The following GLIS2 variants were observed in gnomAD, a reference collection of about 807,000 sequenced individuals.
The protein encoded by GLIS2 is GLIS family zinc finger 2, also known as zinc finger protein GLIS2.
A neutral mutation model predicts 35.6 loss-of-function variants in GLIS2; 14 were observed. The ratio of observed to expected loss-of-function variants is 0.39; its 90% CI spans 0.26 to 0.61. The LOEUF is 0.61. Ranked by LOEUF, GLIS2 falls within the 20% of genes least tolerant of loss-of-function variation. The probability of loss-of-function intolerance (pLI) is 0.48; values close to 1 mark genes in which losing one functional copy is unlikely to be tolerated. For missense variants in GLIS2, 675 were observed against 713.4 expected (o/e 0.95, Z 0.61); for synonymous variants, 368 against 325.1 (o/e 1.13, Z -1.42).
At chr16:4,316,661 G>A (rs1390824290) in intron 1 of GLIS2, among the ~76,000 whole-genome samples, 1 of 151,932 alleles carries the variant, frequency 6.6e-6, no homozygotes, top group Non-Finnish European at 1.5e-5. Context: ...CCTCCTCTCG[G>A]CCGCGCCGGG....
intron 1 of GLIS2, among the ~76,000 whole-genome samples, chr16:4,317,560 C>T (rs969984258): frequency 2.0e-5 from 3 of 152,168 alleles, no homozygotes. Context: ...GCTGTCCAGG[C>T]CCAGCCCACA....
intron 1 of GLIS2, among the ~76,000 whole-genome samples, chr16:4,328,074 G>A (rs1346136848): frequency 6.6e-6 from 1 of 152,266 alleles, no homozygotes; most frequent in African/African-American, 2.4e-5. Context: ...AGAGGGGCGT[G>A]GGGCCGGCGG....
chr16:4,320,932 G>A lies in GLIS2; in HGVS notation c.-67+4678G>A, dbSNP rs947868913. On this transcript the variant is annotated intron_variant, in intron 1 of 6. Coordinates refer to ENST00000433375, the MANE Select transcript of GLIS2 (RefSeq NM_032575.3). This position sits in a 1 kb window ranked among gnomAD's most constrained non-coding sequence, Gnocchi z 5.6. Reference sequence around the variant, plus strand: ...GGTTCTAGGGCCACTGGGCCCCGAGGGCCTGGAGCCACCAGGCCTGGCAGA... The same window carrying A: ...GGTTCTAGGGCCACTGGGCCCCGAGAGCCTGGAGCCACCAGGCCTGGCAGA... Among the ~76,000 whole-genome samples the A allele has an allele frequency of 6.6e-6, 1 of 152,178 alleles. No homozygotes were observed. Among genetic ancestry groups the A allele is most frequent in the Non-Finnish European group, 1.5e-5 (1 of 68,020 alleles).
intron 1 of GLIS2, among the ~76,000 whole-genome samples, chr16:4,318,557 C>T (rs1008348330): frequency 5.3e-5 from 8 of 152,178 alleles, no homozygotes; most frequent in South Asian, 2.1e-4. Context: ...TTTCTTCCCC[C>T]GCCTGAACTC....
chr16:4,317,878 G>A (rs369487514), intron 1 of GLIS2, among the ~76,000 whole-genome samples: 338 of 152,156 alleles, frequency 2.2e-3, no homozygotes, highest in Middle Eastern at 6.8e-3. Flanking sequence ...CCTCCTTTCC[G>A]GAGCTGCCAT....
In GLIS2 at chr16:4,336,949, C is replaced by G. The variant is rs768415033; in HGVS notation, c.1000C>G (p.Pro334Ala). The G allele has an allele frequency of 3.1e-6, 5 of 1,610,076 alleles. No individual in the cohort carries two copies. In the East Asian group the frequency reaches 8.9e-5, roughly 29 times the overall value. The change falls in exon 7 of 7, where the codon CCC becomes GCC. Residue 334 changes from proline to alanine, a missense_variant. Around this residue, in one of 3 missense-constraint regions of GLIS2, gnomAD observed 317 missense variants for 283.2 expected, o/e 1.12. Transcript: ENST00000433375. Reference sequence around the variant, plus strand: ...GCAAGAGCTCCTGCAGCTGCGCCCACCCCCCAAGCCGCCACTGCCCGCCCC... The same window carrying G: ...GCAAGAGCTCCTGCAGCTGCGCCCAGCCCCCAAGCCGCCACTGCCCGCCCC... ...EQQELLQLRPPPKPPLPAPDG... is the reference protein window; with the variant it reads ...EQQELLQLRPAPKPPLPAPDG...
chr16:4,325,446 T>C (rs1288984050), intron 1 of GLIS2: 1 of 152,310 alleles, frequency 6.6e-6, no homozygotes, highest in Non-Finnish European at 1.5e-5. Context: ...TGGCTTCTGG[T>C]TGTGGGTTTG....
rs1392589135 is a variant in GLIS2 at position 4,335,543 on chromosome 16, T to C, written c.775+150T>C. On this transcript the variant is annotated intron_variant, in intron 6 of 6. Coordinates refer to ENST00000433375, the MANE Select transcript of GLIS2 (RefSeq NM_032575.3). The surrounding 1 kb of genome is among the most constrained non-coding windows in gnomAD (Gnocchi z 4.6). ...CATCGCCCAGGGGTCCCTTTTCCAA[T>C]GCAGTTTGCTAGGGGAAGCATCCCC... 2.8e-6 allele frequency: 2 copies of C among 721,630 alleles called. No individual in the cohort carries two copies. Among genetic ancestry groups the C allele is most frequent in the Non-Finnish European group, 4.6e-6 (2 of 430,776 alleles). 44.7% of individuals were successfully genotyped at this position (721,630 alleles called of 1,614,324 possible). A position where few individuals can be genotyped will look rare whatever the true frequency, so the allele number is the denominator to read the frequency against.
rs574921381 is a variant in GLIS2 at position 4,332,117 on chromosome 16, A to G, written c.-66-98A>G. The G allele has an allele frequency of 1.3e-4, 115 of 915,362 alleles. No individual in the cohort carries two copies. In the African/African-American group the frequency reaches 1.7e-3, roughly 14 times the overall value. The allele number at this position is 915,362 out of a possible 1,614,324, so 56.7% of individuals were successfully genotyped here. A position where few individuals can be genotyped will look rare whatever the true frequency, so the allele number is the denominator to read the frequency against. Reference sequence around the variant, plus strand: ...CTCCCTACCCAGGAGACAACCTCACACTGCCCCCTGCTCCTGCTCCTGTTA... The same window carrying G: ...CTCCCTACCCAGGAGACAACCTCACGCTGCCCCCTGCTCCTGCTCCTGTTA... On this transcript the variant is annotated intron_variant, in intron 1 of 6. Coordinates refer to ENST00000433375, the MANE Select transcript of GLIS2 (RefSeq NM_032575.3). This position sits in a 1 kb window ranked among gnomAD's most constrained non-coding sequence, Gnocchi z 5.4.
In GLIS2 at chr16:4,339,404, T is replaced by C. The variant is rs1226851115; in HGVS notation, c.*1880T>C. Reference sequence around the variant, plus strand: ...TTTTGTGGTTGTCATTGGTGTGTTGTTGCACATTCCAGGACGTCAGTATTT... The same window carrying C: ...TTTTGTGGTTGTCATTGGTGTGTTGCTGCACATTCCAGGACGTCAGTATTT... On this transcript the variant is annotated 3_prime_UTR_variant, in exon 7 of 7. Transcript: ENST00000433375. The C allele has an allele frequency of 6.5e-6, 1 of 152,876 alleles. No individual in the cohort carries two copies. The highest frequency in any genetic ancestry group is 1.5e-5 in the Non-Finnish European group (1 of 68,216). 9.5% of individuals were successfully genotyped at this position (152,876 alleles called of 1,614,324 possible).
chr16:4,322,702 T>C (rs935584451), intron 1 of GLIS2, among the ~76,000 whole-genome samples: 1 of 142,518 alleles, frequency 7.0e-6, no homozygotes, highest in African/African-American at 2.5e-5. Context: ...GGGCCTGGCG[T>C]TGGAATGCAT....
chr16:4,338,187 C>G lies in GLIS2; in HGVS notation c.*663C>G, dbSNP rs571482423. On this transcript the variant is annotated 3_prime_UTR_variant, in exon 7 of 7. Transcript: ENST00000433375. ...CTCACCCCAGGCCAGGCCTGCAGTA[C>G]CAGACGGGATAGCTGGCCACTCCAC... 3.7e-4 allele frequency: 58 copies of G among 155,418 alleles called. 1 individual carries two copies. Among genetic ancestry groups the G allele is most frequent in the South Asian group, 1.6e-3 (8 of 4,976 alleles). 9.6% of individuals were successfully genotyped at this position (155,418 alleles called of 1,614,324 possible).
rs773863637 is a variant in GLIS2 at position 4,337,124 on chromosome 16, G to C, written c.1175G>C (p.Ser392Thr). ...CTGGCCTGTGGCAACGGTGGGGGCA[G>C]TGGGGGTGGGGGGGGCATGGGCCCT... ...SALACGNGGG[S>T]GGGGGMGPGL... is the part of the protein sequence containing the mutation. Residue 392 changes from serine (S) to threonine (T), a missense_variant, in exon 7 of 7, where the codon AGT (serine) becomes ACT (threonine). This residue lies in a region of GLIS2 where 317 missense variants were observed against 283.2 expected (regional missense o/e 1.12). Coordinates refer to ENST00000433375, the MANE Select transcript of GLIS2 (RefSeq NM_032575.3). 6.5e-7 allele frequency: 1 copy of C among 1,536,202 alleles called. No individual in the cohort carries two copies. The highest frequency in any genetic ancestry group is 1.4e-5 in the African/African-American group (1 of 72,978).
At position 4,327,082 on chromosome 16, in the gene GLIS2, C is replaced by T. The variant is rs551140011; in HGVS notation, c.-66-5133C>T. Among the ~76,000 whole-genome samples the T allele has an allele frequency of 1.7e-3, 253 of 151,552 alleles. 2 individuals are homozygous for T. Among genetic ancestry groups the T allele is most frequent in the Middle Eastern group, 3.4e-3 (1 of 290 alleles). ...CACCGGCTGATTTTTTTACTTCAAA[C>T]GGGATTTTTCCATGTTGCCCAGGCT... On this transcript the variant is annotated intron_variant, in intron 1 of 6. Coordinates refer to ENST00000433375, the MANE Select transcript of GLIS2 (RefSeq NM_032575.3).
chr16:4,331,216 G>A (rs138972591), intron 1 of GLIS2, among the ~76,000 whole-genome samples: 136 of 152,034 alleles, frequency 8.9e-4, no homozygotes, highest in African/African-American at 3.1e-3. Flanking sequence ...TCCTGACCTC[G>A]TGATCTCCCC....
rs999748960 is a variant in GLIS2, at chr16:4,337,699, G to A, written c.*175G>A. 7 of 890,732 alleles carry A rather than the reference G, an allele frequency of 7.9e-6. No homozygotes were observed. In the Admixed American group the frequency reaches 8.3e-5, roughly 11 times the overall value. 55.2% of individuals were successfully genotyped at this position (890,732 alleles called of 1,614,324 possible). A position where few individuals can be genotyped will look rare whatever the true frequency, so the allele number is the denominator to read the frequency against. ...TCATGGCTGGCCTCCCAGCCCCCGG[G>A]TGGGGACCTGGCCTGTCATGCAGGG... On this transcript the variant is annotated 3_prime_UTR_variant, in exon 7 of 7. Transcript: ENST00000433375.
Position 4,332,225 on chromosome 16 carries a change from G to A in GLIS2, c.-56G>A. 1 of 1,592,466 alleles carries A rather than the reference G, an allele frequency of 6.3e-7. No individual in the cohort carries two copies. The highest frequency in any genetic ancestry group is 2.3e-5 in the East Asian group (1 of 43,912). On this transcript the variant is annotated 5_prime_UTR_variant, in exon 2 of 7. Transcript: ENST00000433375. The surrounding 1 kb of genome is among the most constrained non-coding windows in gnomAD (Gnocchi z 5.4). ...CCTGTCCTTCCCCAGGTTCCTGCGT[G>A]AAGACCAGCTGGGAGCCCACTGCCT...
At chr16:4,330,882 G>A (rs948699866) in intron 1 of GLIS2, among the ~76,000 whole-genome samples, 3 of 152,220 alleles carry the variant, frequency 2.0e-5, no homozygotes, top group South Asian at 4.1e-4. Context: ...TGGCCATGAC[G>A]CCCACGCTGG....
At position 4,332,615 on chromosome 16, in the gene GLIS2, T is replaced by C. The variant is rs1380056679; in HGVS notation, c.172+163T>C. Among the ~76,000 whole-genome samples the C allele has an allele frequency of 6.6e-6, 1 of 152,220 alleles. No homozygotes were observed. Among genetic ancestry groups the C allele is most frequent in the Admixed American group, 6.5e-5 (1 of 15,282 alleles). On this transcript the variant is annotated intron_variant, in intron 2 of 6. Transcript: ENST00000433375. This position sits in a 1 kb window ranked among gnomAD's most constrained non-coding sequence, Gnocchi z 5.4. ...TTCCATCCGCCCAGCATCGTATGTCTGCAGGGAGGTGGGAGCTGCAGTGCC... is the reference window on the plus strand; with the variant it reads ...TTCCATCCGCCCAGCATCGTATGTCCGCAGGGAGGTGGGAGCTGCAGTGCC...
Sources: gnomAD v4.1 joint callset for allele counts (sites outside exome capture counted in the v4.1 genomes callset) on GRCh38, gnomAD v4.1.1 for gene constraint, gnomAD v4.1.1 regional missense constraint, Gnocchi (gnomAD v3.1) non-coding constraint, MANE v1.5 for transcripts, NCBI Gene and HGNC (gene_info 2026-07-23, HGNC 2026-07-21) for gene names.